The following TRAK1 variants were observed in gnomAD, a reference collection of about 807,000 sequenced individuals.
TRAK1 encodes trafficking kinesin protein 1.
A neutral mutation model predicts 92.1 loss-of-function variants in TRAK1; 33 were observed. The ratio of observed to expected loss-of-function variants is 0.36; its 90% confidence interval spans 0.27 to 0.48. TRAK1 has a LOEUF of 0.48. Ranked by LOEUF, TRAK1 falls within the 20% of genes least tolerant of loss-of-function variation. The probability of loss-of-function intolerance (pLI) is 0.99; values close to 1 mark genes in which losing one functional copy is unlikely to be tolerated. For missense variants in TRAK1, 1,123 were observed against 1,257.9 expected (o/e 0.89, Z 1.62); for synonymous variants, 521 against 517.3 (o/e 1.01, Z -0.10).
At chr3:42,125,641 A>G (rs1347484527) in intron 2 of TRAK1, 27 bp downstream of exon 2, 1 of 1,611,150 alleles carries the variant, frequency 6.2e-7, no homozygotes, top group Non-Finnish European at 8.5e-7. Context: ...GTGTGTTGTG[A>G]TGGCAGTATC....
chr3:42,171,112 G>A (rs1405962751), intron 2 of TRAK1, among the ~76,000 whole-genome samples: 1 of 152,086 alleles, frequency 6.6e-6, no homozygotes, highest in East Asian at 1.9e-4. Flanking sequence ...ACCGCGCGTG[G>A]CCCTGAATAT....
chr3:42,081,115 C>G (rs1474704097), intron 1 of TRAK1, among the ~76,000 whole-genome samples: 1 of 152,134 alleles, frequency 6.6e-6, no homozygotes, highest in Non-Finnish European at 1.5e-5. Context: ...GGGCTCAGGC[C>G]ATCCACCCGC....
At chr3:42,077,059 T>A (rs1290417397) in intron 1 of TRAK1, among the ~76,000 whole-genome samples, 1 of 152,238 alleles carries the variant, frequency 6.6e-6, no homozygotes, top group Non-Finnish European at 1.5e-5. Context: ...TGAAATCAGG[T>A]AAGTGTGATC....
At chr3:42,069,586 T>C (rs888904515) in intron 1 of TRAK1, among the ~76,000 whole-genome samples, 1 of 152,136 alleles carries the variant, frequency 6.6e-6, no homozygotes, top group African/African-American at 2.4e-5. Context: ...ATTCTGTACT[T>C]TGTTTTGTGA....
intron 14 of TRAK1, chr3:42,210,785 A>T (rs1708931679): frequency 1.0e-6 from 1 of 985,376 alleles, no homozygotes; most frequent in East Asian, 1.1e-4. Context: ...GGAGAACGTC[A>T]CTAAGCTTTT....
At position 42,202,350 on chromosome 3, in the gene TRAK1, G is replaced by C; in HGVS notation, c.1428-86G>C. 3 of 1,315,454 alleles carry C rather than the reference G, an allele frequency of 2.3e-6. No homozygotes were observed. The South Asian group carries it at 8.1e-5, about 35-fold the overall frequency. 81.5% of individuals were successfully genotyped at this position (1,315,454 alleles called of 1,614,324 possible). A position where few individuals can be genotyped will look rare whatever the true frequency, so the allele number is the denominator to read the frequency against. On this transcript the variant is annotated intron_variant, in intron 12 of 15. Coordinates refer to ENST00000327628, the MANE Select transcript of TRAK1 (RefSeq NM_001042646.3). This position sits in a 1 kb window ranked among gnomAD's most constrained non-coding sequence, Gnocchi z 6.1. ...GGAGAATCCTGTAGCCCCAGGGAAC[G>C]TCCACCGCTGTGCATTGAGCAGTCG...
At chr3:42,084,184 G>C (rs949319881), upstream of TRAK1, among the ~76,000 whole-genome samples, 2 of 151,458 alleles carry the variant, frequency 1.3e-5, no homozygotes, top group African/African-American at 4.8e-5. Flanking sequence ...TTTTTTTCTG[G>C]AACTCTCATC....
At chr3:42,061,372 C>T (rs1703439285) in intron 1 of TRAK1, among the ~76,000 whole-genome samples, 1 of 147,556 alleles carries the variant, frequency 6.8e-6, no homozygotes, top group Non-Finnish European at 1.5e-5. Context: ...CACACACACA[C>T]AGTGCCAGGG....
chr3:42,013,508 T>G (rs1311083601), upstream of TRAK1, among the ~76,000 whole-genome samples: 1 of 148,538 alleles, frequency 6.7e-6, no homozygotes, highest in Non-Finnish European at 1.5e-5. This position sits in a 1 kb window ranked among gnomAD's most constrained non-coding sequence, Gnocchi z 5.1. Flanking sequence ...TCCAGGCGAC[T>G]AGGACGTGGC....
At chr3:42,184,891 C>A in intron 4 of TRAK1, 90 bp downstream of exon 4, 1 of 1,291,508 alleles carries the variant, frequency 7.7e-7, no homozygotes, top group Non-Finnish European at 1.1e-6. Flanking sequence ...GAATGGAGTC[C>A]TAGTTGGAAG....
At position 42,116,612 on chromosome 3, in the gene TRAK1, A is replaced by T. The variant is rs527421654; in HGVS notation, c.92-8808A>T. ...TTTCCAAGTGGCTGAGTAGGTGAGG[A>T]GTGTTGTCTTGTGAAGTCATTAAAA... On this transcript the variant is annotated intron_variant, in intron 1 of 15. Coordinates refer to ENST00000327628, the MANE Select transcript of TRAK1 (RefSeq NM_001042646.3). Among the ~76,000 whole-genome samples, 19 of 152,240 alleles carry T rather than the reference A, an allele frequency of 1.2e-4. 1 individual carries two copies. In the South Asian group the frequency reaches 3.9e-3, roughly 32 times the overall value.
chr3:42,196,641 G>A (rs1010970504), intron 10 of TRAK1, among the ~76,000 whole-genome samples: 1 of 149,870 alleles, frequency 6.7e-6, no homozygotes, highest in Non-Finnish European at 1.5e-5. Context: ...GAGTTCAAGC[G>A]ATTCTCCTGC....
intron 1 of TRAK1, among the ~76,000 whole-genome samples, chr3:42,106,937 G>A (rs926676735): frequency 1.3e-5 from 2 of 152,202 alleles, no homozygotes; most frequent in Non-Finnish European, 2.9e-5. Flanking sequence ...GAATGGTAGA[G>A]GCACAGTTGG....
At chr3:42,147,708 G>GGGTT (rs1398365612) in intron 2 of TRAK1, among the ~76,000 whole-genome samples, 1 of 152,192 alleles carries the variant, frequency 6.6e-6, no homozygotes, top group Non-Finnish European at 1.5e-5. Context: ...GGGCCAAATG[G>GGGTT]GGTTGGCCAG....
chr3:42,187,140 C>A (rs1366895070), intron 4 of TRAK1, among the ~76,000 whole-genome samples: 1 of 152,168 alleles, frequency 6.6e-6, no homozygotes, highest in Non-Finnish European at 1.5e-5. Context: ...TGGCTCTTTT[C>A]TTCCTGTGTG....
chr3:42,149,718 A>G (rs1048462012), intron 2 of TRAK1: 6 of 1,265,564 alleles, frequency 4.7e-6, no homozygotes, highest in Non-Finnish European at 6.5e-6. Flanking sequence ...AGGTACCAGA[A>G]CTAGCACCAC....
chr3:42,075,796 A>C (rs550795341), intron 1 of TRAK1, among the ~76,000 whole-genome samples: 16 of 152,228 alleles, frequency 1.1e-4, no homozygotes, highest in Non-Finnish European at 1.9e-4. Flanking sequence ...TCTTCCTTTG[A>C]GAAGTGTCTG....
At chr3:42,045,639 G>A (rs528634129) in intron 1 of TRAK1, among the ~76,000 whole-genome samples, 5 of 152,222 alleles carry the variant, frequency 3.3e-5, no homozygotes, top group African/African-American at 4.8e-5. Context: ...ATGCTAATGC[G>A]TAAGCTCTGG....
At chr3:42,157,455 C>G (rs1700666547) in intron 2 of TRAK1, among the ~76,000 whole-genome samples, 1 of 7,602 alleles carries the variant, frequency 1.3e-4, no homozygotes, top group Non-Finnish European at 2.1e-4. Flanking sequence ...GAGACCCTGT[C>G]TCAAAAAAAA....
Sources: allele counts gnomAD v4.1 joint callset (sites outside exome capture counted in the v4.1 genomes callset), GRCh38; gene constraint gnomAD v4.1.1; non-coding constraint Gnocchi (gnomAD v3.1); transcripts MANE v1.5; gene names NCBI Gene and HGNC (gene_info 2026-07-23, HGNC 2026-07-21).